CCSER1: variants seen among roughly 807,000 people sequenced by gnomAD.
CCSER1 encodes coiled-coil serine rich protein 1, also known as serine-rich coiled-coil domain-containing protein 1.
CCSER1 carries 41 observed loss-of-function variants against 82.0 expected under a neutral mutation model. The ratio of observed to expected loss-of-function variants is 0.50; its 90% CI spans 0.39 to 0.65. CCSER1 has a LOEUF of 0.65. CCSER1 is among the 30% of genes least tolerant of loss of function. CCSER1 has a pLI of 0.00. For missense variants in CCSER1, 1,119 were observed against 1,064.2 expected (o/e 1.05, Z -0.72); for synonymous variants, 414 against 383.9 (o/e 1.08, Z -0.92).
intron 5 of CCSER1, among the ~76,000 whole-genome samples, chr4:90,548,882 G>A (rs1777117719): frequency 6.6e-6 from 1 of 151,930 alleles, no homozygotes; most frequent in Non-Finnish European, 1.5e-5. Context: ...GAAAGAGTGA[G>A]GGTAAGAGGT....
intron 9 of CCSER1, among the ~76,000 whole-genome samples, chr4:90,923,910 C>A (rs1022289966): frequency 6.6e-6 from 1 of 152,124 alleles, no homozygotes; most frequent in Non-Finnish European, 1.5e-5. Context: ...TCAGTGCAGG[C>A]AGCAGAAAGT....
At chr4:90,201,291 G>T (rs974179254) in intron 1 of CCSER1, among the ~76,000 whole-genome samples, 1 of 152,000 alleles carries the variant, frequency 6.6e-6, no homozygotes, top group Non-Finnish European at 1.5e-5. Flanking sequence ...ACTTTTTTGG[G>T]TTCTATATAT....
At chr4:91,379,326 G>T (rs1283886767) in intron 10 of CCSER1, among the ~76,000 whole-genome samples, 1 of 152,152 alleles carries the variant, frequency 6.6e-6, no homozygotes, top group Non-Finnish European at 1.5e-5. Context: ...AGAAGGAATG[G>T]TCCCAGCTCC....
intron 10 of CCSER1, among the ~76,000 whole-genome samples, chr4:91,300,286 A>G (rs1744565942): frequency 6.6e-6 from 1 of 151,940 alleles, no homozygotes; most frequent in Admixed American, 6.6e-5. Context: ...TTTTATAAAA[A>G]TGGTTTATTA....
At chr4:91,071,731 A>G (rs961073847) in intron 9 of CCSER1, among the ~76,000 whole-genome samples, 24 of 152,094 alleles carry the variant, frequency 1.6e-4, no homozygotes, top group African/African-American at 5.3e-4. Context: ...GTATCTCATC[A>G]AATAGTTTTT....
intron 8 of CCSER1, among the ~76,000 whole-genome samples, chr4:90,890,694 C>T (rs866316428): frequency 1.8e-4 from 27 of 152,278 alleles, no homozygotes; most frequent in African/African-American, 6.0e-4. Context: ...TTTGGATGTA[C>T]TTCTGTTTTC....
intron 3 of CCSER1, among the ~76,000 whole-genome samples, chr4:90,385,638 T>A (rs1205569481): frequency 6.6e-6 from 1 of 151,906 alleles, no homozygotes; most frequent in African/African-American, 2.4e-5. Context: ...TTTTTGTATT[T>A]TTTTGGTAGA....
intron 6 of CCSER1, among the ~76,000 whole-genome samples, chr4:90,635,442 A>G (rs529618590): frequency 2.0e-5 from 3 of 151,780 alleles, no homozygotes; most frequent in Middle Eastern, 3.4e-3. Flanking sequence ...TGGAAATTAA[A>G]TTACAAACTT....
chr4:91,440,658 T>C (rs1002878879), intron 10 of CCSER1, among the ~76,000 whole-genome samples: 32 of 151,926 alleles, frequency 2.1e-4, no homozygotes, highest in African/African-American at 7.5e-4. Context: ...AAAAAACCCT[T>C]CAAAAAATTA....
intron 6 of CCSER1, among the ~76,000 whole-genome samples, chr4:90,631,103 C>T (rs1724324886): frequency 6.6e-6 from 1 of 151,950 alleles, no homozygotes; most frequent in African/African-American, 2.4e-5. Context: ...CTGCGTTGGC[C>T]AGGATGGTCT....
intron 9 of CCSER1, among the ~76,000 whole-genome samples, chr4:90,960,269 A>G (rs937655001): frequency 6.6e-6 from 1 of 152,166 alleles, no homozygotes; most frequent in African/African-American, 2.4e-5. Flanking sequence ...ATTAGACATT[A>G]TTCTGAAATG....
intron 10 of CCSER1, among the ~76,000 whole-genome samples, chr4:91,548,654 C>G (rs1301323472): frequency 6.6e-6 from 1 of 151,242 alleles, no homozygotes; most frequent in Non-Finnish European, 1.5e-5. Context: ...GTTTTTCTCT[C>G]TCAATATTTT....
intron 10 of CCSER1, among the ~76,000 whole-genome samples, chr4:91,280,667 A>C: frequency 6.6e-6 from 1 of 152,148 alleles, no homozygotes; most frequent in East Asian, 1.9e-4. Flanking sequence ...TAGGAGTGAG[A>C]GCATCGGCCA....
chr4:90,360,206 C>T (rs1395860478), intron 3 of CCSER1, among the ~76,000 whole-genome samples: 12 of 147,912 alleles, frequency 8.1e-5, no homozygotes, highest in African/African-American at 3.0e-4. Context: ...CGTGAGCCAC[C>T]GCGCCCGGCC....
Position 90,309,103 on chromosome 4 carries a change from A to G in CCSER1, c.819A>G (p.Ala273=). The G allele has an allele frequency of 6.2e-7, 1 of 1,613,862 alleles. No individual in the cohort carries two copies. The highest frequency in any genetic ancestry group is 1.1e-5 in the South Asian group (1 of 91,078). ...AAGATTCTGTGTCTGAAATGGATGCATTTTCTAAAAGTGGAAGCATGGCAT... is the reference window on the plus strand; with the variant it reads ...AAGATTCTGTGTCTGAAATGGATGCGTTTTCTAAAAGTGGAAGCATGGCAT... The part of the protein sequence containing the change: ...LTEDSVSEMD[A]FSKSGSMASH... The change falls in exon 2 of 11, where the codon GCA becomes GCG. Residue 273 remains alanine, a synonymous_variant. Coordinates refer to ENST00000509176, the MANE Select transcript of CCSER1 (RefSeq NM_001145065.2).
At chr4:91,411,542 A>ATATATATATACAT (rs1553934221) in intron 10 of CCSER1, among the ~76,000 whole-genome samples, 1 of 125,016 alleles carries the variant, frequency 8.0e-6, no homozygotes, top group South Asian at 2.6e-4. Context: ...TTGACTAGTT[A>ATATATATATACAT]ATATATTTAA....
At chr4:91,536,764 C>T (rs1226417608) in intron 10 of CCSER1, among the ~76,000 whole-genome samples, 1 of 152,054 alleles carries the variant, frequency 6.6e-6, no homozygotes, top group African/African-American at 2.4e-5. Flanking sequence ...ATTAAACAAT[C>T]CCCACTGTTA....
intron 1 of CCSER1, among the ~76,000 whole-genome samples, chr4:90,192,716 T>C (rs897562908): frequency 2.0e-5 from 3 of 152,018 alleles, no homozygotes; most frequent in Non-Finnish European, 2.9e-5. Flanking sequence ...TGAAATACAA[T>C]AGATAAAAGT....
intron 10 of CCSER1, among the ~76,000 whole-genome samples, chr4:91,294,995 A>G (rs1275944604): frequency 1.3e-5 from 2 of 152,000 alleles, no homozygotes; most frequent in African/African-American, 2.4e-5. Context: ...AACAACAAAT[A>G]TGGTTCAGGT....
Sources: gnomAD v4.1 joint callset for allele counts (sites outside exome capture counted in the v4.1 genomes callset) on GRCh38, gnomAD v4.1.1 for gene constraint, MANE v1.5 for transcripts, NCBI Gene and HGNC (gene_info 2026-07-23, HGNC 2026-07-21) for gene names.